CCSER1: variants seen among roughly 807,000 people sequenced by gnomAD.
CCSER1 encodes the protein coiled-coil serine rich protein 1, also known as serine-rich coiled-coil domain-containing protein 1.
In CCSER1, 41 loss-of-function variants were observed where a neutral mutation model predicts 82.0. The ratio of observed to expected loss-of-function variants is 0.50; its 90% CI spans 0.39 to 0.65. CCSER1 has a LOEUF of 0.65. Ranked by LOEUF, CCSER1 falls within the 30% of genes least tolerant of loss-of-function variation. CCSER1 has a pLI of 0.00. For missense variants in CCSER1, 1,119 were observed against 1,064.2 expected, an observed-to-expected ratio of 1.05 and a Z score of -0.72; for synonymous variants, 414 against 383.9, an observed-to-expected ratio of 1.08 and a Z score of -0.92.
intron 5 of CCSER1, among the ~76,000 whole-genome samples, chr4:90,546,258 A>G (rs1776730619): frequency 6.6e-6 from 1 of 152,184 alleles, no homozygotes; most frequent in Non-Finnish European, 1.5e-5. Flanking sequence ...ACCTGGGAAG[A>G]GTAAGTCCTC....
At chr4:90,167,573 A>G (rs1402362919) in intron 1 of CCSER1, among the ~76,000 whole-genome samples, 1 of 152,170 alleles carries the variant, frequency 6.6e-6, no homozygotes, top group African/African-American at 2.4e-5. Context: ...CGCCGCACCC[A>G]GTAACTCGTC....
At chr4:91,268,090 G>T (rs533374666) in intron 10 of CCSER1, among the ~76,000 whole-genome samples, 1 of 152,268 alleles carries the variant, frequency 6.6e-6, no homozygotes, top group African/African-American at 2.4e-5. Flanking sequence ...TCAATTAAAT[G>T]TTTCTCATTA....
chr4:91,325,985 TG>T (rs1376796160), intron 10 of CCSER1, among the ~76,000 whole-genome samples: 3 of 61,058 alleles, frequency 4.9e-5, no homozygotes, highest in African/African-American at 2.1e-4. Flanking sequence ...AGAGTAGCTT[TG>T]TTTTTTTTTT....
chr4:90,444,900 AT>A (rs766204434), intron 4 of CCSER1, among the ~76,000 whole-genome samples: 7 of 152,036 alleles, frequency 4.6e-5, no homozygotes, highest in Non-Finnish European at 8.8e-5. Context: ...AACAAACATA[AT>A]TTACAGTGAA....
In CCSER1 at chr4:91,405,654, C is replaced by T. The variant is rs910386774; in HGVS notation, c.2218-192918C>T. 5.3e-5 allele frequency among the ~76,000 whole-genome samples: 8 copies of T among 152,146 alleles called. No homozygotes were observed. In the South Asian group the frequency reaches 1.2e-3, roughly 24 times the overall value. On this transcript the variant is annotated intron_variant, in intron 10 of 10. Coordinates refer to ENST00000509176, the MANE Select transcript of CCSER1 (RefSeq NM_001145065.2). ...GCTGTGCTAGCAGTGAGCCTGGCTCCGTGGCATTGGACCCTCCAATCTAAG... is the reference window on the plus strand; with the variant it reads ...GCTGTGCTAGCAGTGAGCCTGGCTCTGTGGCATTGGACCCTCCAATCTAAG...
At chr4:90,779,716 T>C (rs1044756658) in intron 7 of CCSER1, among the ~76,000 whole-genome samples, 2 of 152,110 alleles carry the variant, frequency 1.3e-5, no homozygotes, top group African/African-American at 2.4e-5. Flanking sequence ...ATACCTGATA[T>C]TTTTTTGAAG....
chr4:90,541,370 C>T (rs1776083252), intron 5 of CCSER1, among the ~76,000 whole-genome samples: 1 of 152,072 alleles, frequency 6.6e-6, no homozygotes, highest in African/African-American at 2.4e-5. Context: ...CCTTCAAAGT[C>T]AGCTTTTCTC....
At chr4:91,109,223 G>C (rs968429491) in intron 10 of CCSER1, among the ~76,000 whole-genome samples, 1 of 152,122 alleles carries the variant, frequency 6.6e-6, no homozygotes, top group Non-Finnish European at 1.5e-5. Context: ...GTCACAGACA[G>C]ACTAGCAAGG....
At chr4:90,509,022 T>A (rs2153615747) in intron 5 of CCSER1, among the ~76,000 whole-genome samples, 1 of 152,198 alleles carries the variant, frequency 6.6e-6, no homozygotes, top group South Asian at 2.1e-4. Context: ...TATGTGTGTG[T>A]AAATAAATAA....
chr4:91,466,359 T>C (rs1308453401), intron 10 of CCSER1, among the ~76,000 whole-genome samples: 1 of 152,096 alleles, frequency 6.6e-6, no homozygotes, highest in East Asian at 1.9e-4. Context: ...TAACTCAAAA[T>C]AATAAGAGCT....
At chr4:91,289,671 G>GA (rs59656238) in intron 10 of CCSER1, among the ~76,000 whole-genome samples, 2 of 151,708 alleles carry the variant, frequency 1.3e-5, no homozygotes, top group Non-Finnish European at 2.9e-5. Flanking sequence ...AACACAAAAG[G>GA]AAAAAAATAT....
chr4:91,438,768 A>G lies in CCSER1; in HGVS notation c.2218-159804A>G, dbSNP rs968746858. Among the ~76,000 whole-genome samples, 9 of 152,318 alleles carry G rather than the reference A, an allele frequency of 5.9e-5. 1 individual carries two copies. The highest frequency in any genetic ancestry group is 2.2e-4 in the African/African-American group (9 of 41,572). The stretch of plus-strand genomic sequence containing the variant: ...GACAAATGTATAACTAGAATAACCA[A>G]TACAGAGAAGTGCTTAAAGGAGCTG... On this transcript the variant is annotated intron_variant, in intron 10 of 10. Coordinates refer to ENST00000509176, the MANE Select transcript of CCSER1 (RefSeq NM_001145065.2).
At chr4:90,158,067 T>C (rs1728641643) in intron 1 of CCSER1, among the ~76,000 whole-genome samples, 1 of 152,208 alleles carries the variant, frequency 6.6e-6, no homozygotes, top group Admixed American at 6.5e-5. Flanking sequence ...GGATGTCCTT[T>C]CTGTTTGTTA....
chr4:90,699,644 A>G (rs1399576396), intron 6 of CCSER1, among the ~76,000 whole-genome samples: 1 of 152,192 alleles, frequency 6.6e-6, no homozygotes, highest in Non-Finnish European at 1.5e-5. Context: ...TAATCCCTTC[A>G]GGAAAAAATG....
At chr4:91,450,404 T>C (rs907812583) in intron 10 of CCSER1, among the ~76,000 whole-genome samples, 1 of 152,086 alleles carries the variant, frequency 6.6e-6, no homozygotes, top group Non-Finnish European at 1.5e-5. Flanking sequence ...CTTCCATTTA[T>C]CTGGAATCAT....
chr4:90,518,797 A>G (rs976051306), intron 5 of CCSER1, among the ~76,000 whole-genome samples: 4 of 151,960 alleles, frequency 2.6e-5, no homozygotes, highest in Non-Finnish European at 5.9e-5. Flanking sequence ...AAGGCTAAAT[A>G]TATATCTTTA....
At chr4:90,887,636 C>A (rs569783369) in intron 8 of CCSER1, among the ~76,000 whole-genome samples, 1 of 152,284 alleles carries the variant, frequency 6.6e-6, no homozygotes, top group Admixed American at 6.5e-5. Flanking sequence ...GTAATCCCAG[C>A]ACTTTGGGAG....
At chr4:91,528,482 A>G (rs535646496) in intron 10 of CCSER1, among the ~76,000 whole-genome samples, 1 of 152,200 alleles carries the variant, frequency 6.6e-6, no homozygotes, top group Non-Finnish European at 1.5e-5. Context: ...CCAAAAAAAG[A>G]GACATATTTC....
intron 3 of CCSER1, among the ~76,000 whole-genome samples, chr4:90,373,328 T>C (rs1747769116): frequency 6.6e-6 from 1 of 152,124 alleles, no homozygotes; most frequent in Non-Finnish European, 1.5e-5. Flanking sequence ...AAATAATGCT[T>C]TATGGACTAA....
Sources: allele counts gnomAD v4.1 joint callset (sites outside exome capture counted in the v4.1 genomes callset), GRCh38; gene constraint gnomAD v4.1.1; transcripts MANE v1.5; gene names NCBI Gene and HGNC (gene_info 2026-07-23, HGNC 2026-07-21).